Variants in DOK6 observed in about 807,000 individuals in gnomAD.
The protein encoded by DOK6 is docking protein 6.
A neutral mutation model predicts 44.0 loss-of-function variants in DOK6; 22 were observed. The ratio of observed to expected loss-of-function variants is 0.50; its 90% CI spans 0.36 to 0.71. DOK6 has a LOEUF of 0.71. Among genes scored for constraint, DOK6 ranks in the 30% least tolerant of loss-of-function variants. The pLI, the probability that DOK6 is intolerant of heterozygous loss-of-function variation, is 0.00. For missense variants in DOK6, 340 were observed against 416.4 expected (o/e 0.82, Z 1.60); for synonymous variants, 166 against 145.5 (o/e 1.14, Z -1.01).
chr18:69,592,402 C>T (rs1325617002), intron 2 of DOK6, among the ~76,000 whole-genome samples: 2 of 151,814 alleles, frequency 1.3e-5, no homozygotes, highest in Non-Finnish European at 2.9e-5. Context: ...TTTCCCACTC[C>T]AAATCAATTA....
intron 7 of DOK6, among the ~76,000 whole-genome samples, chr18:69,770,608 G>A (rs1405807957): frequency 1.3e-5 from 2 of 151,988 alleles, no homozygotes; most frequent in African/African-American, 2.4e-5. Context: ...TAAAAATCTC[G>A]TATAACAGCC....
At chr18:69,584,932 T>A (rs1206902219) in intron 2 of DOK6, among the ~76,000 whole-genome samples, 2 of 152,098 alleles carry the variant, frequency 1.3e-5, no homozygotes, top group Non-Finnish European at 2.9e-5. Flanking sequence ...TTTCATCCTG[T>A]ACTTGATTTA....
At chr18:69,809,346 C>A (rs764235681) in intron 7 of DOK6, among the ~76,000 whole-genome samples, 1 of 151,696 alleles carries the variant, frequency 6.6e-6, no homozygotes, top group South Asian at 2.1e-4. Context: ...CAGTTAACAT[C>A]ATACTCAAGA....
intron 3 of DOK6, among the ~76,000 whole-genome samples, chr18:69,630,790 T>G (rs755130877): frequency 8.5e-5 from 13 of 152,240 alleles, no homozygotes; most frequent in Non-Finnish European, 1.8e-4. Flanking sequence ...AAATCATTAC[T>G]GAATTCCCAT....
intron 1 of DOK6, among the ~76,000 whole-genome samples, chr18:69,491,928 A>G (rs1239098101): frequency 6.6e-6 from 1 of 152,228 alleles, no homozygotes; most frequent in Non-Finnish European, 1.5e-5. Flanking sequence ...AATGGCAATC[A>G]ATGTGCAGAG....
intron 7 of DOK6, among the ~76,000 whole-genome samples, chr18:69,787,037 G>A (rs1568126257): frequency 6.6e-6 from 1 of 152,158 alleles, no homozygotes; most frequent in Non-Finnish European, 1.5e-5. Context: ...CCAACATGGT[G>A]AAAACCCATC....
chr18:69,798,399 G>A (rs571966056), intron 7 of DOK6, among the ~76,000 whole-genome samples: 2 of 152,058 alleles, frequency 1.3e-5, no homozygotes, highest in African/African-American at 4.8e-5. Flanking sequence ...AGTTACAAAC[G>A]CTGAAGATAA....
chr18:69,564,657 T>A, intron 2 of DOK6, 63 bp downstream of exon 2: 1 of 1,334,900 alleles, frequency 7.5e-7, no homozygotes, highest in Non-Finnish European at 1.0e-6. Flanking sequence ...GTGGAGATAT[T>A]TCTTTGATAA....
At chr18:69,702,301 C>T (rs559910673) in intron 5 of DOK6, among the ~76,000 whole-genome samples, 1 of 152,204 alleles carries the variant, frequency 6.6e-6, no homozygotes, top group African/African-American at 2.4e-5. Context: ...GTTTATCTAC[C>T]AGAAGGTGTA....
At chr18:69,568,970 A>G (rs189106891) in intron 2 of DOK6, among the ~76,000 whole-genome samples, 1 of 152,086 alleles carries the variant, frequency 6.6e-6, no homozygotes, top group East Asian at 1.9e-4. Flanking sequence ...TTCATTATGT[A>G]CTACAATGTA....
At chr18:69,556,278 C>T (rs1462107926) in intron 1 of DOK6, among the ~76,000 whole-genome samples, 1 of 152,104 alleles carries the variant, frequency 6.6e-6, no homozygotes, top group Admixed American at 6.6e-5. Context: ...AGTTCAGAAG[C>T]TCCCACATCA....
At chr18:69,526,576 CAT>C (rs888646618) in intron 1 of DOK6, among the ~76,000 whole-genome samples, 3 of 152,100 alleles carry the variant, frequency 2.0e-5, no homozygotes, top group African/African-American at 4.8e-5. Context: ...TTTGTGTGTA[CAT>C]ATGTTTTCAT....
At chr18:69,610,112 A>T (rs1984102064) in intron 3 of DOK6, among the ~76,000 whole-genome samples, 1 of 152,202 alleles carries the variant, frequency 6.6e-6, no homozygotes, top group African/African-American at 2.4e-5. Flanking sequence ...TCAATAATGT[A>T]TTGCCTTTTT....
intron 1 of DOK6, among the ~76,000 whole-genome samples, chr18:69,470,889 G>C (rs1303980929): frequency 6.6e-6 from 1 of 152,076 alleles, no homozygotes; most frequent in Non-Finnish European, 1.5e-5. Context: ...TAGAGGAGGG[G>C]GCTCAGAGTA....
intron 1 of DOK6, among the ~76,000 whole-genome samples, chr18:69,425,346 T>C (rs1364559095): frequency 6.6e-6 from 1 of 152,048 alleles, no homozygotes; most frequent in Non-Finnish European, 1.5e-5. Context: ...AAAAGCCACC[T>C]TGTTTAAAAG....
At position 69,510,436 on chromosome 18, in the gene DOK6, GC is replaced by G. The variant is rs144604341; in HGVS notation, c.67-54049del. ...GATTTTATTAACTTCTTTACTAATT[GC>G]CTTTAAGACACTCATGCCCAGTATT... On this transcript the variant is annotated intron_variant, in intron 1 of 7. Coordinates refer to ENST00000382713, the MANE Select transcript of DOK6 (RefSeq NM_152721.6). Among the ~76,000 whole-genome samples the G allele has an allele frequency of 8.3e-3, 1,256 of 152,226 alleles. 16 individuals are homozygous for G. The highest frequency in any genetic ancestry group is 0.029 in the African/African-American group (1,196 of 41,528).
At chr18:69,586,034 T>C (rs974935522) in intron 2 of DOK6, among the ~76,000 whole-genome samples, 6 of 152,182 alleles carry the variant, frequency 3.9e-5, no homozygotes, top group Admixed American at 3.9e-4. Flanking sequence ...TTATATATAA[T>C]GGTAGGTCAG....
intron 5 of DOK6, among the ~76,000 whole-genome samples, chr18:69,731,240 G>A (rs1299472736): frequency 6.6e-6 from 1 of 152,032 alleles, no homozygotes; most frequent in African/African-American, 2.4e-5. Flanking sequence ...TAAATAAAAA[G>A]TTAAATGCAT....
At position 69,744,232 on chromosome 18, in the gene DOK6, C is replaced by T. The variant is rs562894275; in HGVS notation, c.738+5129C>T. ...GGCTGAGGTAGGAGAATTGCTTGAA[C>T]CCGGGAGGCGGAGGTTGCAGTGAGC... On this transcript the variant is annotated intron_variant, in intron 6 of 7. Coordinates refer to ENST00000382713, the MANE Select transcript of DOK6 (RefSeq NM_152721.6). Among the ~76,000 whole-genome samples the T allele has an allele frequency of 6.6e-3, 995 of 151,760 alleles. 4 individuals are homozygous for T. Among genetic ancestry groups the T allele is most frequent in the Non-Finnish European group, 9.2e-3 (627 of 67,956 alleles).
Sources: gnomAD v4.1 joint callset for allele counts (sites outside exome capture counted in the v4.1 genomes callset) on GRCh38, gnomAD v4.1.1 for gene constraint, MANE v1.5 for transcripts, NCBI Gene and HGNC (gene_info 2026-07-23, HGNC 2026-07-21) for gene names.